Variants in FSIP1 observed in about 807,000 individuals in gnomAD.
FSIP1 encodes fibrous sheath-interacting protein 1.
In FSIP1, 65 loss-of-function variants were observed where a neutral mutation model predicts 60.9. The observed-to-expected ratio is 1.07, with a 90% CI of 0.87 to 1.31. The LOEUF is 1.31. Among genes scored for constraint, FSIP1 ranks in the 40% most tolerant of loss-of-function variants. FSIP1 has a pLI of 0.00. For synonymous variants in FSIP1, 209 were observed against 221.2 expected, an observed-to-expected ratio of 0.94 and a Z score of 0.49; for missense variants, 675 against 665.5, an observed-to-expected ratio of 1.01 and a Z score of -0.16.
intron 8 of FSIP1, among the ~76,000 whole-genome samples, chr15:39,728,874 TC>T (rs1896298825): frequency 6.6e-6 from 1 of 151,956 alleles, no homozygotes; most frequent in South Asian, 2.1e-4. Context: ...AGGTCTAATA[TC>T]CAGAATCTAT....
At chr15:39,625,855 C>T (rs565316443) in intron 10 of FSIP1, among the ~76,000 whole-genome samples, 9 of 152,300 alleles carry the variant, frequency 5.9e-5, no homozygotes, top group East Asian at 1.9e-4. Flanking sequence ...CCCCCTACTC[C>T]GGGAAGTAGA....
In FSIP1 at chr15:39,617,880, T is replaced by G. The variant is rs1891293450; in HGVS notation, c.1554A>C (p.Thr518=). The part of the protein sequence containing the change: ...QFSKDVIISD[T]KDYFMSKTLG... ...GAGTCTTCGACATAAAATAGTCTTT[T>G]GTGTCACTAATAATAACGTCCTTGG... Residue 518 remains threonine (T), a synonymous_variant, in exon 11 of 12, where the codon ACA becomes ACC. Coordinates refer to ENST00000350221, the MANE Select transcript of FSIP1 (RefSeq NM_152597.5). The G allele has an allele frequency of 6.2e-7, 1 of 1,614,176 alleles. No individual in the cohort carries two copies. The highest frequency in any genetic ancestry group is 1.3e-5 in the African/African-American group (1 of 75,058).
chr15:39,647,708 T>A (rs1171951833), intron 10 of FSIP1, among the ~76,000 whole-genome samples: 1 of 151,324 alleles, frequency 6.6e-6, no homozygotes, highest in Admixed American at 6.6e-5. Flanking sequence ...CTTAATAGAA[T>A]GAAAACACAC....
chr15:39,617,741 T>C lies in FSIP1; in HGVS notation c.1693A>G (p.Ile565Val), dbSNP rs769816620. ...CATGTTCGCCAAGCCTCACCTGCTA[T>C]TGTATTCTCTGGAGAACTGAGTTTC... The part of the protein sequence containing the change: ...HLKLSSPENT[I>V]ADEQETKDAA... The change falls in exon 11 of 12, where the codon ATA (isoleucine) becomes GTA (valine). Residue 565 changes from isoleucine (I) to valine (V), a missense_variant. Ile to Val is a conservative substitution (Grantham distance 29). Transcript: ENST00000350221. 6 of 1,611,612 alleles carry C rather than the reference T, an allele frequency of 3.7e-6. No individual in the cohort carries two copies. Among genetic ancestry groups the C allele is most frequent in the African/African-American group, 1.3e-5 (1 of 74,766 alleles).
At chr15:39,715,246 T>C (rs951574921) in intron 9 of FSIP1, among the ~76,000 whole-genome samples, 11 of 152,180 alleles carry the variant, frequency 7.2e-5, no homozygotes, top group African/African-American at 2.4e-4. Context: ...GTTCCCCCAA[T>C]TCCAACCCTC....
intron 10 of FSIP1, among the ~76,000 whole-genome samples, chr15:39,685,370 A>G (rs1056258722): frequency 4.6e-5 from 7 of 152,228 alleles, no homozygotes; most frequent in Non-Finnish European, 8.8e-5. Context: ...GCAAAGTAAA[A>G]ATCCTCCTGG....
downstream of FSIP1, among the ~76,000 whole-genome samples, chr15:39,599,632 C>T (rs75465421): frequency 0.13 from 19,265 of 151,398 alleles, 1,438 homozygotes; most frequent in Non-Finnish European, 0.17. Context: ...GAAACGCTGA[C>T]GGACAACACT....
At chr15:39,681,075 G>A (rs1024090512) in intron 10 of FSIP1, among the ~76,000 whole-genome samples, 4 of 152,054 alleles carry the variant, frequency 2.6e-5, no homozygotes, top group African/African-American at 7.2e-5. Flanking sequence ...TTCCAAGAAC[G>A]TTGAGTTTTA....
intron 10 of FSIP1, among the ~76,000 whole-genome samples, chr15:39,621,424 TG>T (rs1210976842): frequency 3.9e-5 from 6 of 152,196 alleles, no homozygotes; most frequent in Non-Finnish European, 7.3e-5. Context: ...GGGAAGCAGC[TG>T]GATAGGAAAG....
intron 11 of FSIP1, among the ~76,000 whole-genome samples, chr15:39,603,230 A>G (rs750236086): frequency 1.3e-5 from 2 of 152,210 alleles, no homozygotes; most frequent in East Asian, 1.9e-4. Context: ...TGGATGGCAG[A>G]TGGATGATGA....
chr15:39,617,956 A>G lies in FSIP1; in HGVS notation c.1478T>C (p.Met493Thr), dbSNP rs1450918259. The change falls in exon 11 of 12, where the codon ATG becomes ACG. Residue 493 changes from methionine (M) to threonine (T), a missense_variant. Transcript: ENST00000350221. ...YLTKALTGHN[M>T]SEALVTEAEN... ...TGCTTCAGTGACAAGAGCTTCTGACATGTTATGTCCAGTCAAGGCTTTAGT... is the reference window on the plus strand; with the variant it reads ...TGCTTCAGTGACAAGAGCTTCTGACGTGTTATGTCCAGTCAAGGCTTTAGT... 3 of 1,614,074 alleles carry G rather than the reference A, an allele frequency of 1.9e-6. No homozygotes were observed. Among genetic ancestry groups the G allele is most frequent in the Non-Finnish European group, 2.5e-6 (3 of 1,180,022 alleles).
rs150620662 is a variant in FSIP1, at chr15:39,718,516, G to A, written c.1051-4935C>T. On this transcript the variant is annotated intron_variant, in intron 9 of 11. Transcript: ENST00000350221. ...ACCTTTTTTTTTTTTTTTGAGACAC[G>A]GTCTTATTCTGCCACCCAGGCTGGA... 7.9e-5 allele frequency among the ~76,000 whole-genome samples: 11 copies of A among 138,502 alleles called. No homozygotes were observed. The East Asian group carries it at 1.7e-3, about 21-fold the overall frequency. 90.9% of individuals were successfully genotyped at this position (138,502 alleles called of 152,430 possible).
intron 9 of FSIP1, among the ~76,000 whole-genome samples, chr15:39,714,862 A>G (rs1286604100): frequency 1.3e-5 from 2 of 151,720 alleles, no homozygotes; most frequent in Admixed American, 6.6e-5. Context: ...AGTCTCAGCC[A>G]CTTGGGAGGC....
In FSIP1 at chr15:39,600,669, C is replaced by T; in HGVS notation, c.*211G>A. On this transcript the variant is annotated 3_prime_UTR_variant, in exon 12 of 12. Coordinates refer to ENST00000350221, the MANE Select transcript of FSIP1 (RefSeq NM_152597.5). ...AGCAATAAATTTATAAACAATGGTCCCAGAAATTTTAATGAGCAAAAACCA... is the reference window on the plus strand; with the variant it reads ...AGCAATAAATTTATAAACAATGGTCTCAGAAATTTTAATGAGCAAAAACCA... 1 of 480,532 alleles carries T rather than the reference C, an allele frequency of 2.1e-6. No individual in the cohort carries two copies. Among genetic ancestry groups the T allele is most frequent in the Non-Finnish European group, 3.7e-6 (1 of 272,606 alleles). 29.8% of individuals were successfully genotyped at this position (480,532 alleles called of 1,614,324 possible).
intron 10 of FSIP1, among the ~76,000 whole-genome samples, chr15:39,643,698 A>T (rs1595565327): frequency 6.6e-6 from 1 of 152,204 alleles, no homozygotes; most frequent in Admixed American, 6.5e-5. Context: ...TTGTAAAAAA[A>T]CAGTAGGTGT....
At chr15:39,645,410 C>T (rs1892551420) in intron 10 of FSIP1, among the ~76,000 whole-genome samples, 1 of 151,852 alleles carries the variant, frequency 6.6e-6, no homozygotes, top group South Asian at 2.1e-4. Flanking sequence ...CAGACCCAGG[C>T]CTCCTGCTCT....
At chr15:39,705,636 T>C (rs1895232413) in intron 10 of FSIP1, among the ~76,000 whole-genome samples, 1 of 152,186 alleles carries the variant, frequency 6.6e-6, no homozygotes, top group Non-Finnish European at 1.5e-5. Context: ...TATATATATA[T>C]AACATAGTTG....
chr15:39,716,352 TA>T (rs1464252204), intron 9 of FSIP1, among the ~76,000 whole-genome samples: 1 of 152,188 alleles, frequency 6.6e-6, no homozygotes, highest in East Asian at 1.9e-4. Context: ...AGAAAAAAAT[TA>T]TAAGTTGCAC....
intron 10 of FSIP1, among the ~76,000 whole-genome samples, chr15:39,663,168 T>C (rs1289249564): frequency 2.0e-5 from 3 of 152,168 alleles, no homozygotes; most frequent in African/African-American, 7.2e-5. Flanking sequence ...ATCCTCTAAA[T>C]ACCATATAAT....
Sources: allele counts gnomAD v4.1 joint callset (sites outside exome capture counted in the v4.1 genomes callset), GRCh38; gene constraint gnomAD v4.1.1; transcripts MANE v1.5; gene names NCBI Gene and HGNC (gene_info 2026-07-23, HGNC 2026-07-21).